STAP2: variants seen among roughly 807,000 people sequenced by gnomAD.
STAP2 encodes signal-transducing adaptor protein 2.
Under a neutral mutation model 52.7 loss-of-function variants are expected in STAP2, and 58 were observed. That is an observed-to-expected ratio of 1.10 (90% CI 0.89 to 1.37). The LOEUF is 1.37. STAP2 is among the 40% of genes most tolerant of loss of function. The pLI is 0.00. For missense variants in STAP2, 522 were observed against 519.4 expected, an observed-to-expected ratio of 1.00 and a Z score of -0.05; for synonymous variants, 231 against 210.5, an observed-to-expected ratio of 1.10 and a Z score of -0.84.
At chr19:4,338,569 C>CCAGG in intron 1 of STAP2, 83 bp downstream of exon 1, 1 of 389,930 alleles carries the variant, frequency 2.6e-6, no homozygotes, top group Non-Finnish European at 4.8e-6. Flanking sequence ...CCCCCCTTGG[C>CCAGG]GAGTGGGGAG....
At chr19:4,324,844 A>T in intron 11 of STAP2, 1 of 383,124 alleles carries the variant, frequency 2.6e-6, no homozygotes, top group Non-Finnish European at 4.8e-6. Flanking sequence ...ACAACAATAA[A>T]GACAGATGAG....
intron 6 of STAP2, 118 bp downstream of exon 6, chr19:4,328,557 C>T: frequency 7.2e-7 from 1 of 1,389,304 alleles, no homozygotes; most frequent in Middle Eastern, 2.5e-4. Context: ...GGCTCTGGCT[C>T]CGTCCCCTGG....
At chr19:4,327,279 A>G in intron 7 of STAP2, 37 bp downstream of exon 7, 1 of 1,613,856 alleles carries the variant, frequency 6.2e-7, no homozygotes, top group Non-Finnish European at 8.5e-7. Flanking sequence ...CGCGGACCCC[A>G]CAAAGTCACT....
chr19:4,324,105 T>C lies in STAP2; in HGVS notation c.*28A>G, dbSNP rs756239755. 2.6e-6 allele frequency: 4 copies of C among 1,548,130 alleles called. No homozygotes were observed. Among genetic ancestry groups the C allele is most frequent in the Non-Finnish European group, 3.5e-6 (4 of 1,144,002 alleles). ...TGGCCGCTGGGCCATGCCCTGGGAC[T>C]AGCCCGCTGGTCCCTGGTGTGTCCG... On this transcript the variant is annotated 3_prime_UTR_variant, in exon 13 of 13. Transcript: ENST00000594605.
chr19:4,330,132 A>G, intron 4 of STAP2, 71 bp from the exon 5 acceptor site: 1 of 1,267,306 alleles, frequency 7.9e-7, no homozygotes, highest in Non-Finnish European at 1.2e-6. Context: ...CAAGTCACAG[A>G]GTGGCAAATT....
rs1971742847 is a variant in STAP2 at position 4,324,122 on chromosome 19, G to C, written c.*11C>G. 6.4e-7 allele frequency: 1 copy of C among 1,551,238 alleles called. No homozygotes were observed. The highest frequency in any genetic ancestry group is 8.7e-7 in the Non-Finnish European group (1 of 1,146,894). On this transcript the variant is annotated 3_prime_UTR_variant, in exon 13 of 13. Transcript: ENST00000594605. ...CCTGGGACTAGCCCGCTGGTCCCTGGTGTGTCCGAATCAGTGCTCCAGTGC... is the reference window on the plus strand; with the variant it reads ...CCTGGGACTAGCCCGCTGGTCCCTGCTGTGTCCGAATCAGTGCTCCAGTGC...
At chr19:4,325,664 G>T in intron 9 of STAP2, 119 bp from the exon 10 acceptor site, 1 of 1,250,588 alleles carries the variant, frequency 8.0e-7, no homozygotes, top group Non-Finnish European at 1.1e-6. Flanking sequence ...GTCTGTGTGT[G>T]TGCCCATGTA....
At chr19:4,325,578 A>C (rs748586308) in intron 9 of STAP2, 33 bp from the exon 10 acceptor site, 21 of 1,540,998 alleles carry the variant, frequency 1.4e-5, no homozygotes, top group Non-Finnish European at 1.4e-5. Context: ...GTCAAGACCC[A>C]TGTCATACAG....
chr19:4,324,572 C>G (rs376007006), intron 11 of STAP2, 43 bp from the exon 12 acceptor site: 6 of 1,549,972 alleles, frequency 3.9e-6, no homozygotes, highest in Non-Finnish European at 5.2e-6. Context: ...TGGCTCACGC[C>G]GGTAATCCCA....
chr19:4,336,600 A>G (rs1018636898), intron 1 of STAP2, among the ~76,000 whole-genome samples: 1 of 149,586 alleles, frequency 6.7e-6, no homozygotes, highest in African/African-American at 2.5e-5. Flanking sequence ...GGCGTGAGCC[A>G]CCACGCCCGG....
At chr19:4,331,988 TG>T in intron 4 of STAP2, 33 bp downstream of exon 4, 1 of 1,595,924 alleles carries the variant, frequency 6.3e-7, no homozygotes, top group Non-Finnish European at 8.5e-7. Flanking sequence ...ATCTGGAGAA[TG>T]GGAGAGAGGG....
rs143124191 is a variant in STAP2, at chr19:4,337,714, G to A, written c.102+938C>T. Among the ~76,000 whole-genome samples the A allele has an allele frequency of 6.8e-3, 1,033 of 152,068 alleles. 6 individuals are homozygous for A. Among genetic ancestry groups the A allele is most frequent in the African/African-American group, 0.024 (999 of 41,526 alleles). Reference sequence around the variant, plus strand: ...ATACAAAAATTAGGTGTGGTGGTGCGTACCTGTAATCCCAGCTACTCGGGA... The same window carrying A: ...ATACAAAAATTAGGTGTGGTGGTGCATACCTGTAATCCCAGCTACTCGGGA... On this transcript the variant is annotated intron_variant, in intron 1 of 12. Transcript: ENST00000594605.
intron 1 of STAP2, 70 bp downstream of exon 1, chr19:4,338,577 GAGACA>G: frequency 2.8e-5 from 33 of 1,166,696 alleles, no homozygotes; most frequent in East Asian, 7.5e-5. Flanking sequence ...GGCGAGTGGG[GAGACA>G]GGGACTCAGA....
In STAP2 at chr19:4,333,699, A is replaced by G. The variant is rs766752461; in HGVS notation, c.292T>C (p.Phe98Leu). The change falls in exon 3 of 13, where the codon TTC (phenylalanine) becomes CTC (leucine). Residue 98 changes from phenylalanine (F) to leucine (L), a missense_variant. By Grantham distance (22) the Phe-to-Leu change is conservative (BLOSUM62 0). Coordinates refer to ENST00000594605, the MANE Select transcript of STAP2 (RefSeq NM_001013841.2). Reference protein sequence around the residue: ...SLILRDQEIKFKVETLECREM... With the variant: ...SLILRDQEIKLKVETLECREM... ...CCCTCCAGCAAGGGACCTACCTTGAACTTGATCTCCTGATCCCGGAGAATC... is the reference window on the plus strand; with the variant it reads ...CCCTCCAGCAAGGGACCTACCTTGAGCTTGATCTCCTGATCCCGGAGAATC... 3 of 1,611,886 alleles carry G rather than the reference A, an allele frequency of 1.9e-6. No individual in the cohort carries two copies. The South Asian group carries it at 3.3e-5, about 18-fold the overall frequency.
Position 4,328,828 on chromosome 19 carries a change from C to G in STAP2, c.456-19G>C, listed in dbSNP as rs749871574. 6.2e-7 allele frequency: 1 copy of G among 1,604,690 alleles called. No individual in the cohort carries two copies. Among genetic ancestry groups the G allele is most frequent in the South Asian group, 1.1e-5 (1 of 90,082 alleles). ...GAAGCACCTGTGGCGGGCCGCGTCACCCACTCGGGACCCCGGAGACCAAGT... is the reference window on the plus strand; with the variant it reads ...GAAGCACCTGTGGCGGGCCGCGTCAGCCACTCGGGACCCCGGAGACCAAGT... On this transcript the variant is annotated intron_variant, in intron 5 of 12. Transcript: ENST00000594605.
chr19:4,333,837 G>T (rs1971931614), intron 2 of STAP2, 21 bp from the exon 3 acceptor site: 1 of 1,613,730 alleles, frequency 6.2e-7, no homozygotes, highest in Non-Finnish European at 8.5e-7. Context: ...AGAAGCAGGG[G>T]ATCTGGGCAC....
intron 1 of STAP2, among the ~76,000 whole-genome samples, chr19:4,337,548 C>CAAAAA (rs376844059): frequency 9.9e-6 from 1 of 100,672 alleles, no homozygotes; most frequent in African/African-American, 3.7e-5. Context: ...ACCCCATCTT[C>CAAAAA]AAAAAAAAAA....
chr19:4,338,545 A>C, intron 1 of STAP2, 107 bp downstream of exon 1: 3 of 1,020,628 alleles, frequency 2.9e-6, no homozygotes, highest in Admixed American at 4.8e-5. Flanking sequence ...TGCCCCATCC[A>C]GCACCCACCC....
chr19:4,338,600 C>G, intron 1 of STAP2, 52 bp downstream of exon 1: 1 of 1,519,960 alleles, frequency 6.6e-7, no homozygotes, highest in East Asian at 2.4e-5. Flanking sequence ...AGAGAGGTGC[C>G]GCAGCTCCCC....
Sources: allele counts gnomAD v4.1 joint callset (sites outside exome capture counted in the v4.1 genomes callset), GRCh38; gene constraint gnomAD v4.1.1; transcripts MANE v1.5; gene names NCBI Gene and HGNC (gene_info 2026-07-23, HGNC 2026-07-21).